The following PRKG1 variants were observed in gnomAD, a reference collection of about 807,000 sequenced individuals.
PRKG1 encodes the protein cGMP-dependent protein kinase 1.
PRKG1 carries 35 observed loss-of-function variants against 88.1 expected under a neutral mutation model. That is an observed-to-expected ratio of 0.40 (90% confidence interval 0.30 to 0.53). The LOEUF (loss-of-function observed/expected upper bound fraction) is 0.53, where lower values mean the gene tolerates loss of function less well. Among genes scored for constraint, PRKG1 ranks in the 20% least tolerant of loss-of-function variants. The pLI is 0.59. For missense variants in PRKG1, 540 were observed against 839.8 expected, an observed-to-expected ratio of 0.64 and a Z score of 4.41; for synonymous variants, 303 against 292.5, an observed-to-expected ratio of 1.04 and a Z score of -0.37.
chr10:51,623,181 T>C (rs1031794065), intron 3 of PRKG1, among the ~76,000 whole-genome samples: 4 of 152,326 alleles, frequency 2.6e-5, no homozygotes, highest in East Asian at 1.9e-4. Flanking sequence ...AAAGATAGTA[T>C]AGCTGAAGCA....
chr10:51,350,173 C>T (rs1842208992), intron 2 of PRKG1, among the ~76,000 whole-genome samples: 1 of 152,142 alleles, frequency 6.6e-6, no homozygotes, highest in Non-Finnish European at 1.5e-5. Flanking sequence ...GGAGCTGGAC[C>T]AGTTATGTGA....
chr10:51,158,252 T>A (rs1302044858), intron 2 of PRKG1, among the ~76,000 whole-genome samples: 1 of 151,912 alleles, frequency 6.6e-6, no homozygotes, highest in African/African-American at 2.4e-5. Flanking sequence ...GTTATCTACA[T>A]GTTAATAAAT....
At chr10:51,782,463 C>T (rs970754654) in intron 3 of PRKG1, among the ~76,000 whole-genome samples, 1 of 152,076 alleles carries the variant, frequency 6.6e-6, no homozygotes, top group African/African-American at 2.4e-5. Context: ...TTCTACTAGT[C>T]TAATATTACA....
chr10:51,164,119 C>T (rs1193809611), intron 2 of PRKG1, among the ~76,000 whole-genome samples: 1 of 152,180 alleles, frequency 6.6e-6, no homozygotes, highest in Non-Finnish European at 1.5e-5. Flanking sequence ...ACCCCTGACC[C>T]CCGAGCAGCC....
intron 5 of PRKG1, among the ~76,000 whole-genome samples, chr10:51,967,913 C>T (rs180949972): frequency 6.6e-5 from 10 of 152,138 alleles, no homozygotes; most frequent in African/African-American, 1.7e-4. Flanking sequence ...GCTTTATTTA[C>T]CTTCCTTTGT....
chr10:51,984,903 T>G (rs180940116), intron 5 of PRKG1, among the ~76,000 whole-genome samples: 4 of 152,326 alleles, frequency 2.6e-5, no homozygotes, highest in African/African-American at 7.2e-5. Flanking sequence ...AGTTAAATTT[T>G]GTTCCTGAAT....
At chr10:51,622,193 A>G (rs1028114094) in intron 3 of PRKG1, among the ~76,000 whole-genome samples, 1 of 152,192 alleles carries the variant, frequency 6.6e-6, no homozygotes, top group Non-Finnish European at 1.5e-5. Flanking sequence ...ATACTGTGTC[A>G]TATCAGTTTG....
intron 7 of PRKG1, among the ~76,000 whole-genome samples, chr10:52,071,334 C>T (rs1391585044): frequency 2.0e-5 from 3 of 152,158 alleles, no homozygotes; most frequent in East Asian, 3.9e-4. Flanking sequence ...GTCTATTGTT[C>T]CCATGATGGT....
chr10:51,926,653 G>C (rs759176939), intron 5 of PRKG1, among the ~76,000 whole-genome samples: 1 of 151,872 alleles, frequency 6.6e-6, no homozygotes. Context: ...CATTTGAAAA[G>C]CATGAGGAAA....
Position 52,102,409 on chromosome 10 carries a change from T to A in PRKG1, c.936-31431T>A, listed in dbSNP as rs1288138021. On this transcript the variant is annotated intron_variant, in intron 7 of 17. Coordinates refer to ENST00000373980, the MANE Select transcript of PRKG1 (RefSeq NM_006258.4). ...GAGAATCTCTGCAGAGGGAACATCA[T>A]AAGCATCTGGAAGGATTTCACCAGT... is the stretch of plus-strand genomic sequence containing the variant. Among the ~76,000 whole-genome samples the A allele has an allele frequency of 2.6e-5, 4 of 152,018 alleles. No homozygotes were observed. In the East Asian group the frequency reaches 7.7e-4, roughly 29 times the overall value.
intron 9 of PRKG1, among the ~76,000 whole-genome samples, chr10:52,203,795 C>T (rs1019946168): frequency 1.3e-5 from 2 of 152,070 alleles, no homozygotes; most frequent in African/African-American, 2.4e-5. Context: ...TTATCATTGT[C>T]GGATTAAAGT....
rs12263689 is a variant in PRKG1, at chr10:52,170,898, C to T, written c.1076+8935C>T. Among the ~76,000 whole-genome samples the T allele has an allele frequency of 6.1e-3, 932 of 152,210 alleles. 9 individuals are homozygous for T. The highest frequency in any genetic ancestry group is 0.021 in the African/African-American group (884 of 41,500). ...GCTCTTCGGCGGCTTTCAGACAGAACGGCTGCTGTTGTTCAGGCCTTTGAA... is the reference window on the plus strand; with the variant it reads ...GCTCTTCGGCGGCTTTCAGACAGAATGGCTGCTGTTGTTCAGGCCTTTGAA... On this transcript the variant is annotated intron_variant, in intron 9 of 17. Transcript: ENST00000373980.
At chr10:51,703,418 C>T (rs1841523697) in intron 3 of PRKG1, among the ~76,000 whole-genome samples, 1 of 152,194 alleles carries the variant, frequency 6.6e-6, no homozygotes, top group Non-Finnish European at 1.5e-5. Flanking sequence ...GACCTTTCTA[C>T]CCTTTCCCCT....
chr10:52,021,571 T>A (rs1381442492), intron 5 of PRKG1, among the ~76,000 whole-genome samples: 1 of 152,184 alleles, frequency 6.6e-6, no homozygotes, highest in Non-Finnish European at 1.5e-5. Flanking sequence ...ATATTTCCAT[T>A]TGTGTTTGAA....
chr10:51,342,773 T>C (rs967725260), intron 2 of PRKG1, among the ~76,000 whole-genome samples: 1 of 152,148 alleles, frequency 6.6e-6, no homozygotes, highest in African/African-American at 2.4e-5. Context: ...AAAACATTAG[T>C]GATTATACTT....
intron 1 of PRKG1, among the ~76,000 whole-genome samples, chr10:51,136,048 C>T (rs888146043): frequency 6.6e-6 from 1 of 151,506 alleles, no homozygotes; most frequent in Non-Finnish European, 1.5e-5. Flanking sequence ...AGCACACCAG[C>T]ATGACACATG....
At chr10:51,564,170 CT>C (rs1160419616) in intron 3 of PRKG1, among the ~76,000 whole-genome samples, 2 of 151,932 alleles carry the variant, frequency 1.3e-5, no homozygotes, top group Middle Eastern at 3.2e-3. Flanking sequence ...GTGCTGGGTA[CT>C]TTTTTATGTA....
At chr10:51,561,627 G>A (rs913637067) in intron 3 of PRKG1, among the ~76,000 whole-genome samples, 18 of 151,996 alleles carry the variant, frequency 1.2e-4, no homozygotes, top group African/African-American at 3.6e-4. Context: ...AGGTTTAAAG[G>A]AGGAGGAAGA....
chr10:51,574,489 G>A (rs1019314820), intron 3 of PRKG1, among the ~76,000 whole-genome samples: 2 of 151,870 alleles, frequency 1.3e-5, no homozygotes, highest in African/African-American at 2.4e-5. Context: ...AAATAATAAC[G>A]CTGTTAAGCA....
Sources: gnomAD v4.1 joint callset for allele counts (sites outside exome capture counted in the v4.1 genomes callset) on GRCh38, gnomAD v4.1.1 for gene constraint, MANE v1.5 for transcripts, NCBI Gene and HGNC (gene_info 2026-07-23, HGNC 2026-07-21) for gene names.